The following TDRKH variants were observed in gnomAD, a reference collection of about 807,000 sequenced individuals.
The protein encoded by TDRKH is tudor and KH domain-containing protein.
TDRKH carries 28 observed loss-of-function variants against 61.3 expected under a neutral mutation model. The ratio of observed to expected loss-of-function variants is 0.46; its 90% CI spans 0.34 to 0.63. TDRKH has a LOEUF of 0.63. Ranked by LOEUF, TDRKH falls within the 20% of genes least tolerant of loss-of-function variation. The pLI is 0.01. For synonymous variants in TDRKH, 219 were observed against 244.4 expected (o/e 0.90, Z 0.97); for missense variants, 540 against 683.4 (o/e 0.79, Z 2.34).
chr1:151,770,087 G>C, downstream of TDRKH: 1 of 1,450,732 alleles, frequency 6.9e-7, no homozygotes, highest in South Asian at 1.2e-5. Flanking sequence ...GAGAGAGGGA[G>C]AGGGAGACCA....
downstream of TDRKH, chr1:151,771,924 G>A: frequency 2.5e-6 from 1 of 398,498 alleles, no homozygotes; most frequent in Admixed American, 4.4e-5. Flanking sequence ...GGTTCCCTAC[G>A]GAACTCTGGT....
rs1648933828 is a variant in TDRKH at position 151,774,248 on chromosome 1, C to CA, written c.*203dup. 1 of 586,282 alleles carries CA rather than the reference C, an allele frequency of 1.7e-6. No homozygotes were observed. Among genetic ancestry groups the CA allele is most frequent in the African/African-American group, 1.9e-5 (1 of 53,220 alleles). 36.3% of individuals were successfully genotyped at this position (586,282 alleles called of 1,614,324 possible). ...AAATCCTGCCAAAGACAGAAATACA[C>CA]AAAAAGCTTGAAAGTGCTCAATCTG... On this transcript the variant is annotated 3_prime_UTR_variant, in exon 13 of 13. Coordinates refer to ENST00000368824, the MANE Select transcript of TDRKH (RefSeq NM_001083965.2).
intron 1 of TDRKH, among the ~76,000 whole-genome samples, chr1:151,784,993 G>A (rs540875719): frequency 9.3e-5 from 14 of 149,836 alleles, no homozygotes; most frequent in South Asian, 4.2e-4. Context: ...GTGCAGTGGC[G>A]CAACCATGGC....
intron 3 of TDRKH, 87 bp from the exon 4 acceptor site, chr1:151,780,227 G>A (rs1254378411): frequency 7.0e-7 from 1 of 1,426,256 alleles, no homozygotes; most frequent in South Asian, 1.3e-5. Context: ...AACCCTGGAG[G>A]TAGATAGAAT....
chr1:151,776,069 T>C (rs1396208529), intron 8 of TDRKH, 27 bp downstream of exon 8: 7 of 1,598,324 alleles, frequency 4.4e-6, no homozygotes, highest in Non-Finnish European at 8.5e-7. Context: ...AGTCAGCAGT[T>C]GGGATTGAGC....
chr1:151,770,193 C>T (rs765364327), downstream of TDRKH: 38 of 1,613,638 alleles, frequency 2.4e-5, no homozygotes, highest in East Asian at 1.8e-4. Flanking sequence ...CCCTGGAGTA[C>T]GTGGAAGAGA....
In TDRKH at chr1:151,779,235, G is replaced by A. The variant is rs751347895; in HGVS notation, c.429C>T (p.Gly143=). 50 of 1,613,756 alleles carry A rather than the reference G, an allele frequency of 3.1e-5. No individual in the cohort carries two copies. Among genetic ancestry groups the A allele is most frequent in the South Asian group, 3.3e-5 (3 of 91,032 alleles). ...QRSVGRIIGR[G]GETIRSICKA... ...TACAGATAGAACGAATTGTCTCGCC[G>A]CCTCTCCCTACATTAAACAATATAT... The change falls in exon 5 of 13, where the codon GGC becomes GGT. Residue 143 remains glycine (G), a synonymous_variant. Coordinates refer to ENST00000368824, the MANE Select transcript of TDRKH (RefSeq NM_001083965.2).
At chr1:151,768,874 G>A (rs903210121), downstream of TDRKH, among the ~76,000 whole-genome samples, 1 of 152,016 alleles carries the variant, frequency 6.6e-6, no homozygotes, top group Non-Finnish European at 1.5e-5. Flanking sequence ...GACTCTTAAC[G>A]AGCATGCTGC....
At chr1:151,774,597 TACTCAATGA>T in intron 12 of TDRKH, 93 bp from the exon 13 acceptor site, 4 of 1,578,518 alleles carry the variant, frequency 2.5e-6, no homozygotes, top group Non-Finnish European at 2.6e-6. Context: ...GACCTCTTGG[TACTCAATGA>T]CCTGACTAGG....
rs768635682 is a variant in TDRKH, at chr1:151,775,073, TCAA to T, written c.1525_1527del (p.Leu509del). The T allele has an allele frequency of 3.1e-6, 5 of 1,614,148 alleles. No homozygotes were observed. In the South Asian group the frequency reaches 4.4e-5, roughly 14 times the overall value. ...TAACTACAATAGCTCACCATGTCCTTCAACATGTCTGGGACAGCTCTGTTTTCT... is the reference window on the plus strand; with the variant it reads ...TAACTACAATAGCTCACCATGTCCTTCATGTCTGGGACAGCTCTGTTTTCT... On this transcript the variant is annotated inframe_deletion, in exon 11 of 13. Transcript: ENST00000368824.
intron 4 of TDRKH, 43 bp from the exon 5 acceptor site, chr1:151,779,285 C>T (rs1316292436): frequency 6.2e-7 from 1 of 1,605,198 alleles, no homozygotes; most frequent in African/African-American, 1.3e-5. Context: ...CCCTCCTGGC[C>T]AACCTTAGCT....
At chr1:151,776,947 A>G (rs1001749585) in intron 6 of TDRKH, among the ~76,000 whole-genome samples, 2 of 152,236 alleles carry the variant, frequency 1.3e-5, no homozygotes, top group Non-Finnish European at 2.9e-5. Flanking sequence ...ACGGACATGG[A>G]CCTGTTCCAG....
chr1:151,768,874 G>T (rs903210121), downstream of TDRKH, among the ~76,000 whole-genome samples: 4 of 152,016 alleles, frequency 2.6e-5, no homozygotes, highest in African/African-American at 9.7e-5. Flanking sequence ...GACTCTTAAC[G>T]AGCATGCTGC....
At chr1:151,789,098 G>A (rs148767027) in intron 1 of TDRKH, among the ~76,000 whole-genome samples, 18 of 152,276 alleles carry the variant, frequency 1.2e-4, no homozygotes, top group African/African-American at 4.3e-4. Context: ...CACCCAGGAT[G>A]GAATGCAGTG....
chr1:151,785,152 A>G (rs55982513), intron 1 of TDRKH, among the ~76,000 whole-genome samples: 61,724 of 151,688 alleles, frequency 0.41, 13,448 homozygotes, highest in Non-Finnish European at 0.5. Context: ...GGCTGGTCTC[A>G]AACTCCTGGG....
chr1:151,766,800 C>T (rs1384666178), downstream of TDRKH: 5 of 1,597,746 alleles, frequency 3.1e-6, no homozygotes, highest in African/African-American at 1.3e-5. Flanking sequence ...CTACCTCTAC[C>T]CGATCTGGTC....
At chr1:151,770,270 T>TG (rs1214129586), downstream of TDRKH, 15 of 1,611,084 alleles carry the variant, frequency 9.3e-6, no homozygotes, top group Non-Finnish European at 1.3e-5. Context: ...GGGGATCTGC[T>TG]GTTCTTCCTT....
downstream of TDRKH, chr1:151,768,003 C>A (rs1196457): frequency 1 from 1,602,093 of 1,602,252 alleles, 800,967 homozygotes; most frequent in Middle Eastern, 1. Flanking sequence ...GACACACCCC[C>A]ATCTGCCTGA....
In TDRKH at chr1:151,774,219, T is replaced by G; in HGVS notation, c.*233A>C. 1.8e-6 allele frequency: 1 copy of G among 556,346 alleles called. No individual in the cohort carries two copies. Among genetic ancestry groups the G allele is most frequent in the African/African-American group, 1.9e-5 (1 of 52,656 alleles). 34.5% of individuals were successfully genotyped at this position (556,346 alleles called of 1,614,324 possible). ...CCTCTCCTCCATGCACCAATTCCTA[T>G]GCCAAATCCTGCCAAAGACAGAAAT... On this transcript the variant is annotated 3_prime_UTR_variant, in exon 13 of 13. Coordinates refer to ENST00000368824, the MANE Select transcript of TDRKH (RefSeq NM_001083965.2).
Sources: gnomAD v4.1 joint callset for allele counts (sites outside exome capture counted in the v4.1 genomes callset) on GRCh38, gnomAD v4.1.1 for gene constraint, MANE v1.5 for transcripts, NCBI Gene and HGNC (gene_info 2026-07-23, HGNC 2026-07-21) for gene names.